Variants in LRP2 observed in about 807,000 individuals in gnomAD.
The protein encoded by LRP2 is LDL receptor related protein 2, also known as low-density lipoprotein receptor-related protein 2.
A neutral mutation model predicts 531.0 loss-of-function variants in LRP2; 172 were observed. The ratio of observed to expected loss-of-function variants is 0.32; its 90% CI spans 0.29 to 0.37. The LOEUF (loss-of-function observed/expected upper bound fraction) is 0.37, where lower values mean the gene tolerates loss of function less well. Ranked by LOEUF, LRP2 falls within the 10% of genes least tolerant of loss-of-function variation. The pLI, the probability that LRP2 is intolerant of heterozygous loss-of-function variation, is 1.00. For synonymous variants in LRP2, 1,992 were observed against 2,027.6 expected (o/e 0.98, Z 0.47); for missense variants, 5,167 against 5,868.3 (o/e 0.88, Z 3.90).
At chr2:169,321,520 T>C (rs541836180) in intron 1 of LRP2, among the ~76,000 whole-genome samples, 2 of 151,908 alleles carry the variant, frequency 1.3e-5, no homozygotes, top group Non-Finnish European at 2.9e-5. Flanking sequence ...CTCTGATTGA[T>C]AACATCGTGA....
chr2:169,243,379 T>TA, intron 23 of LRP2, 24 bp downstream of exon 23: 1 of 1,613,466 alleles, frequency 6.2e-7, no homozygotes, highest in Non-Finnish European at 8.5e-7. Context: ...ACATTGTGAA[T>TA]AAAAAAGAAG....
intron 68 of LRP2, among the ~76,000 whole-genome samples, chr2:169,149,144 A>C (rs1474283507): frequency 6.6e-6 from 1 of 152,266 alleles, no homozygotes; most frequent in Non-Finnish European, 1.5e-5. Context: ...TAAGGGATAG[A>C]AACCTATGAC....
intron 72 of LRP2, 132 bp downstream of exon 72, chr2:169,140,323 G>A (rs1300255899): frequency 2.7e-6 from 2 of 742,672 alleles, no homozygotes; most frequent in African/African-American, 3.4e-5. Flanking sequence ...CTCAAGGGAA[G>A]GCAAGCTGGT....
chr2:169,283,037 T>C (rs749711145), intron 9 of LRP2, 36 bp from the exon 10 acceptor site: 3 of 1,610,954 alleles, frequency 1.9e-6, no homozygotes, highest in African/African-American at 1.3e-5. Context: ...TAGTCAAGGT[T>C]ATCAGCATTT....
intron 3 of LRP2, among the ~76,000 whole-genome samples, chr2:169,313,131 C>A (rs931888220): frequency 4.6e-5 from 7 of 152,126 alleles, no homozygotes; most frequent in Middle Eastern, 3.2e-3. Context: ...TTTTTAGCTT[C>A]TTTGCGATGG....
intron 8 of LRP2, 70 bp downstream of exon 8, chr2:169,290,775 T>G: frequency 6.6e-7 from 1 of 1,520,514 alleles, no homozygotes; most frequent in African/African-American, 1.4e-5. Context: ...ATACACTGTA[T>G]TTGAACGTCT....
At chr2:169,132,376 G>T (rs1685324962) in intron 77 of LRP2, among the ~76,000 whole-genome samples, 198 bp downstream of exon 77, 1 of 152,120 alleles carries the variant, frequency 6.6e-6, no homozygotes, top group East Asian at 1.9e-4. Flanking sequence ...TTCCCAACTC[G>T]ATGTTAGAAT....
At chr2:169,327,453 C>T (rs1266974271) in intron 1 of LRP2, among the ~76,000 whole-genome samples, 3 of 122,028 alleles carry the variant, frequency 2.5e-5, no homozygotes, top group Admixed American at 7.7e-5. Flanking sequence ...ATCAGCACCC[C>T]GCCCGGCCAG....
intron 1 of LRP2, among the ~76,000 whole-genome samples, chr2:169,361,350 G>GTCTCTCTCTCTCTCTCTCTCTCTC (rs1216824209): frequency 4.6e-5 from 1 of 21,964 alleles, no homozygotes; most frequent in East Asian, 8.1e-4. Context: ...GTCTCTCTCT[G>GTCTCTCTCTCTCTCTCTCTCTCTC]TCTCTCTCTC....
In LRP2 at chr2:169,138,682, A is replaced by G; in HGVS notation, c.13413T>C (p.Ser4471=). ...LPSLSSLVKP[S]ENGNGVTFRS... ...TGAAGGTCACCCCATTCCCATTTTCAGAGGGCTTGACGAGACTGCTTAAGC... is the reference window on the plus strand; with the variant it reads ...TGAAGGTCACCCCATTCCCATTTTCGGAGGGCTTGACGAGACTGCTTAAGC... The change falls in exon 75 of 79, where the codon TCT becomes TCC. Residue 4471 remains serine, a synonymous_variant. Coordinates refer to ENST00000649046, the MANE Select transcript of LRP2 (RefSeq NM_004525.3). The G allele has an allele frequency of 6.2e-7, 1 of 1,614,044 alleles. No individual in the cohort carries two copies. The highest frequency in any genetic ancestry group is 8.5e-7 in the Non-Finnish European group (1 of 1,179,936).
chr2:169,207,287 G>A (rs1392361095), intron 38 of LRP2, 37 bp from the exon 39 acceptor site: 1 of 1,437,798 alleles, frequency 7.0e-7, no homozygotes, highest in African/African-American at 1.4e-5. Context: ...GATCAATGGA[G>A]AACCAAGAAG....
At chr2:169,134,091 G>A (rs1685395031) in intron 76 of LRP2, among the ~76,000 whole-genome samples, 1 of 152,198 alleles carries the variant, frequency 6.6e-6, no homozygotes, top group African/African-American at 2.4e-5. Context: ...CATGGTTAGT[G>A]CAGTCAGAAT....
At chr2:169,247,800 A>G (rs1360467851) in intron 19 of LRP2, among the ~76,000 whole-genome samples, 1 of 152,190 alleles carries the variant, frequency 6.6e-6, no homozygotes, top group Non-Finnish European at 1.5e-5. Context: ...CATAGGTAAT[A>G]GTGAAAATAA....
chr2:169,257,056 C>T (rs1432449203), intron 18 of LRP2, 68 bp downstream of exon 18: 19 of 1,592,598 alleles, frequency 1.2e-5, no homozygotes, highest in Non-Finnish European at 1.4e-5. Context: ...TCATATCACC[C>T]AACCTGCCTC....
rs1684458410 is a variant in LRP2, at chr2:169,307,503, A to C, written c.311-106T>G. 2.3e-5 allele frequency: 17 copies of C among 740,466 alleles called. No homozygotes were observed. The East Asian group carries it at 4.6e-4, about 20-fold the overall frequency. 45.9% of individuals were successfully genotyped at this position (740,466 alleles called of 1,614,324 possible). ...GAAAGCATAAAGTTCATAGGGACAC[A>C]AGGTAAAGTACCTGGCTACCACCAA... On this transcript the variant is annotated intron_variant, in intron 3 of 78. Transcript: ENST00000649046.
chr2:169,289,221 C>G lies in LRP2; in HGVS notation c.923-76G>C, dbSNP rs981726721. 1.9e-6 allele frequency: 3 copies of G among 1,562,016 alleles called. No homozygotes were observed. The African/African-American group carries it at 4.1e-5, about 21-fold the overall frequency. The stretch of plus-strand genomic sequence containing the variant: ...CTGATTAATCTAATAGCTTCTTTTT[C>G]CATGAGTAGCAGCTCAGTAAGCATG... On this transcript the variant is annotated intron_variant, in intron 8 of 78. Transcript: ENST00000649046.
chr2:169,254,363 A>G (rs1690210843), intron 19 of LRP2, among the ~76,000 whole-genome samples: 1 of 82,512 alleles, frequency 1.2e-5, no homozygotes, highest in Non-Finnish European at 2.2e-5. Flanking sequence ...TGAAATTGGA[A>G]ACCATCATTC....
At position 169,256,088 on chromosome 2, in the gene LRP2, T is replaced by C. The variant is rs746429558; in HGVS notation, c.2770+18A>G. The C allele has an allele frequency of 1.2e-6, 2 of 1,612,014 alleles. No homozygotes were observed. Among genetic ancestry groups the C allele is most frequent in the Non-Finnish European group, 1.7e-6 (2 of 1,178,512 alleles). ...AATGTATAAAAACAATACATACTTT[T>C]ATTGCTTTAAAACATACCTCCAAAG... On this transcript the variant is annotated intron_variant, in intron 19 of 78. Transcript: ENST00000649046.
At position 169,202,680 on chromosome 2, in the gene LRP2, T is replaced by C. The variant is rs2239599; in HGVS notation, c.8209+76A>G. On this transcript the variant is annotated intron_variant, in intron 43 of 78. Coordinates refer to ENST00000649046, the MANE Select transcript of LRP2 (RefSeq NM_004525.3). ...CACACATTTCAAACACATTCACACA[T>C]AGCAGGATTCCATACCAAACACTTG... 0.29 allele frequency: 422,734 copies of C among 1,437,306 alleles called. 66,247 individuals are homozygous for C. Among genetic ancestry groups the C allele is most frequent in the East Asian group, 0.57 (25,194 of 44,024 alleles). The allele number at this position is 1,437,306 out of a possible 1,614,324, so 89.0% of individuals were successfully genotyped here. A position where few individuals can be genotyped will look rare whatever the true frequency, so the allele number is the denominator to read the frequency against.
Sources: gnomAD v4.1 joint callset for allele counts (sites outside exome capture counted in the v4.1 genomes callset) on GRCh38, gnomAD v4.1.1 for gene constraint, MANE v1.5 for transcripts, NCBI Gene and HGNC (gene_info 2026-07-23, HGNC 2026-07-21) for gene names.